SLC9C1: variants seen among roughly 807,000 people sequenced by gnomAD.
SLC9C1 encodes the protein sodium/hydrogen exchanger 10.
A neutral mutation model predicts 140.9 loss-of-function variants in SLC9C1; 97 were observed. The observed-to-expected ratio is 0.69, with a 90% CI of 0.58 to 0.82. SLC9C1 has a LOEUF of 0.82. Ranked by LOEUF, SLC9C1 falls within the 40% of genes least tolerant of loss-of-function variation. The probability of loss-of-function intolerance (pLI) is 0.00; values close to 1 mark genes in which losing one functional copy is unlikely to be tolerated. For missense variants in SLC9C1, 1,340 were observed against 1,389.3 expected (o/e 0.96, Z 0.56); for synonymous variants, 440 against 442.6 (o/e 0.99, Z 0.07).
chr3:112,163,483 G>A (rs202042104), intron 26 of SLC9C1, among the ~76,000 whole-genome samples: 180 of 150,330 alleles, frequency 1.2e-3, no homozygotes, highest in African/African-American at 4.0e-3. Context: ...CTTTGTTCTC[G>A]TTGGTTTCAA....
rs149992224 is a variant in SLC9C1, at chr3:112,193,993, A to C, written c.2523+5328T>G. Among the ~76,000 whole-genome samples, 432 of 152,172 alleles carry C rather than the reference A, an allele frequency of 2.8e-3. 4 individuals carry two copies. The highest frequency in any genetic ancestry group is 9.7e-3 in the African/African-American group (404 of 41,504). On this transcript the variant is annotated intron_variant, in intron 20 of 28. Coordinates refer to ENST00000305815, the MANE Select transcript of SLC9C1 (RefSeq NM_183061.3). Reference sequence around the variant, plus strand: ...AATGAAGAGACAGCTCCAGGGCTGGAGGGGTGCAATAGCAACTGGTCCCAT... The same window carrying C: ...AATGAAGAGACAGCTCCAGGGCTGGCGGGGTGCAATAGCAACTGGTCCCAT...
chr3:112,235,877 T>G (rs186002740), intron 12 of SLC9C1, among the ~76,000 whole-genome samples: 380 of 152,338 alleles, frequency 2.5e-3, no homozygotes, highest in Non-Finnish European at 4.6e-3. Context: ...TTGCCAGTAT[T>G]TTATTGAGGA....
intron 10 of SLC9C1, among the ~76,000 whole-genome samples, chr3:112,256,820 G>A (rs2079620169): frequency 6.6e-6 from 1 of 151,906 alleles, no homozygotes; most frequent in South Asian, 2.1e-4. Context: ...AAACCCCATA[G>A]TTGGCCCAAA....
intron 20 of SLC9C1, among the ~76,000 whole-genome samples, chr3:112,196,129 A>G (rs2077762822): frequency 6.6e-6 from 1 of 150,648 alleles, no homozygotes; most frequent in South Asian, 2.1e-4. Context: ...AAATGTCTCA[A>G]TTTTTCCTTT....
At chr3:112,253,949 G>A (rs2079534895) in intron 10 of SLC9C1, among the ~76,000 whole-genome samples, 1 of 152,128 alleles carries the variant, frequency 6.6e-6, no homozygotes, top group South Asian at 2.1e-4. Flanking sequence ...CAAGGTTATT[G>A]CCAGTATTAA....
chr3:112,151,512 G>T (rs866066128), intron 28 of SLC9C1: 2 of 521,448 alleles, frequency 3.8e-6, no homozygotes. Flanking sequence ...CACTTGAGAA[G>T]TGAAGTCATA....
chr3:112,195,444 T>G (rs1244103608), intron 20 of SLC9C1, among the ~76,000 whole-genome samples: 1 of 152,176 alleles, frequency 6.6e-6, no homozygotes, highest in East Asian at 1.9e-4. Flanking sequence ...CCTTTACATT[T>G]AAAGTAATTA....
At chr3:112,167,049 A>G (rs4682084) in intron 26 of SLC9C1, among the ~76,000 whole-genome samples, 172 bp downstream of exon 26, 151,607 of 152,294 alleles carry the variant, frequency 1, 75,465 homozygotes, top group Middle Eastern at 1. Context: ...TAATTTAAAA[A>G]TGTAACTTCA....
In SLC9C1 at chr3:112,169,266, T is replaced by C. The variant is rs567972277; in HGVS notation, c.2982A>G (p.Lys994=). The change falls in exon 24 of 29, where the codon AAA becomes AAG. Residue 994 remains lysine, a synonymous_variant. Transcript: ENST00000305815. The part of the protein sequence containing the change: ...DAFEQCSPLI[K]QKMWLKLGLA... Reference sequence around the variant, plus strand: ...GTCCAAGTTTTAGCCACATTTTTTGTTTAATGAGAGGAGAGCATTGCTCAA... The same window carrying C: ...GTCCAAGTTTTAGCCACATTTTTTGCTTAATGAGAGGAGAGCATTGCTCAA... The C allele has an allele frequency of 6.2e-7, 1 of 1,613,650 alleles. No individual in the cohort carries two copies. The highest frequency in any genetic ancestry group is 1.3e-5 in the African/African-American group (1 of 75,052).
At chr3:112,220,473 T>G (rs1206596641) in intron 14 of SLC9C1, among the ~76,000 whole-genome samples, 1 of 152,196 alleles carries the variant, frequency 6.6e-6, no homozygotes, top group Non-Finnish European at 1.5e-5. Context: ...TAGGACAATT[T>G]AAGCAGGGAA....
chr3:112,175,037 T>G (rs1560030588), intron 23 of SLC9C1, among the ~76,000 whole-genome samples: 1 of 152,288 alleles, frequency 6.6e-6, no homozygotes, highest in African/African-American at 2.4e-5. Context: ...ACAGCAAGGA[T>G]AGCAACTCCC....
chr3:112,179,755 CA>C, intron 22 of SLC9C1, 54 bp from the exon 23 acceptor site: 1 of 1,443,588 alleles, frequency 6.9e-7, no homozygotes, highest in Middle Eastern at 2.1e-4. Context: ...CTTGTATTAC[CA>C]AAACTAATTT....
intron 10 of SLC9C1, among the ~76,000 whole-genome samples, chr3:112,258,963 C>A (rs1270622105): frequency 6.6e-6 from 1 of 152,064 alleles, no homozygotes; most frequent in African/African-American, 2.4e-5. Flanking sequence ...AACCAGATCT[C>A]ATGAGAACTC....
At position 112,180,608 on chromosome 3, in the gene SLC9C1, C is replaced by A. The variant is rs766752423; in HGVS notation, c.2704G>T (p.Asp902Tyr). 6.2e-7 allele frequency: 1 copy of A among 1,613,602 alleles called. No homozygotes were observed. Among genetic ancestry groups the A allele is most frequent in the Non-Finnish European group, 8.5e-7 (1 of 1,179,854 alleles). The change falls in exon 22 of 29, where the codon GAT becomes TAT. Residue 902 changes from aspartate to tyrosine, a missense_variant. By Grantham distance (160) the Asp-to-Tyr change is radical. Transcript: ENST00000305815. ...ATGATATAGATTCCTTTGGGCTCAT[C>A]ACCTTCTTCAAATATATCATTTCCA... is the stretch of plus-strand genomic sequence containing the variant. ...DCGNDIFEEG[D>Y]EPKGIYIIIS...
In SLC9C1 at chr3:112,180,645, TA is replaced by T. The variant is rs1284759320; in HGVS notation, c.2666del (p.Val889GlufsTer27). The T allele has an allele frequency of 1.9e-6, 3 of 1,612,976 alleles. No homozygotes were observed. The African/African-American group carries it at 4.0e-5, about 22-fold the overall frequency. On this transcript the variant is annotated frameshift_variant, in exon 22 of 29. Transcript: ENST00000305815. LOFTEE classifies it high-confidence loss of function. ...INFIQEKAKVVTFDCGNDIFE... is the reference protein window; with the variant it reads ...INFIQEKAKVXTFDCGNDIFE... ...ATATATCATTTCCACAATCAAATGT[TA>T]CAACTTTGGCTTTTTCCTAAAAGAT...
chr3:112,238,562 TC>T (rs987142949), intron 12 of SLC9C1, among the ~76,000 whole-genome samples: 7 of 152,222 alleles, frequency 4.6e-5, no homozygotes, highest in African/African-American at 1.7e-4. Flanking sequence ...GTTTTTCTGT[TC>T]TGTTTTTTCC....
In SLC9C1 at chr3:112,208,390, C is replaced by T; in HGVS notation, c.1791-17G>A. On this transcript the variant is annotated splice_polypyrimidine_tract_variant and intron_variant, in intron 15 of 28. Transcript: ENST00000305815. Reference sequence around the variant, plus strand: ...AAGAAGTATCTGTAAAACAAAAAGACAGTTTTATCTGATAAAAGGTTTACA... The same window carrying T: ...AAGAAGTATCTGTAAAACAAAAAGATAGTTTTATCTGATAAAAGGTTTACA... 6.8e-7 allele frequency: 1 copy of T among 1,471,194 alleles called. No individual in the cohort carries two copies. The allele number at this position is 1,471,194 out of a possible 1,614,324, so 91.1% of individuals were successfully genotyped here. A position where few individuals can be genotyped will look rare whatever the true frequency, so the allele number is the denominator to read the frequency against.
chr3:112,257,448 G>C (rs1234724521), intron 10 of SLC9C1, among the ~76,000 whole-genome samples: 1 of 152,100 alleles, frequency 6.6e-6, no homozygotes, highest in Non-Finnish European at 1.5e-5. Flanking sequence ...AAGCAATAGG[G>C]AAAGGACTCC....
At chr3:112,217,644 A>G (rs9288939) in intron 14 of SLC9C1, 83 bp from the exon 15 acceptor site, 975,844 of 1,264,314 alleles carry the variant, frequency 0.77, 379,570 homozygotes, top group East Asian at 0.99. Context: ...AATGTTGTAC[A>G]TAAGTTTAAT....
Sources: allele counts gnomAD v4.1 joint callset (sites outside exome capture counted in the v4.1 genomes callset), GRCh38; gene constraint gnomAD v4.1.1; transcripts MANE v1.5; gene names NCBI Gene and HGNC (gene_info 2026-07-23, HGNC 2026-07-21).